The following RASAL2 variants were observed in gnomAD, a reference collection of about 807,000 sequenced individuals.
The protein encoded by RASAL2 is ras GTPase-activating protein nGAP.
A neutral mutation model predicts 128.9 loss-of-function variants in RASAL2; 58 were observed. The ratio of observed to expected loss-of-function variants is 0.45; its 90% CI spans 0.36 to 0.56. The LOEUF (loss-of-function observed/expected upper bound fraction) is 0.56. Among genes scored for constraint, RASAL2 ranks in the 20% least tolerant of loss-of-function variants. The pLI, the probability that RASAL2 is intolerant of heterozygous loss-of-function variation, is 0.00. For synonymous variants in RASAL2, 561 were observed against 580.8 expected, an observed-to-expected ratio of 0.97 and a Z score of 0.49; for missense variants, 1,360 against 1,601.6, an observed-to-expected ratio of 0.85 and a Z score of 2.57.
chr1:178,283,628 G>A lies in RASAL2; in HGVS notation c.267G>A (p.Thr89=), dbSNP rs368634100. Residue 89 remains threonine, a synonymous_variant, in exon 2 of 18, where the codon ACG becomes ACA. Coordinates refer to ENST00000367649, the MANE Select transcript of RASAL2 (RefSeq NM_170692.4). ...CGQSPYTETT[T]WERKYCILTD... ...AGTCACCCTACACCGAGACAACAAC[G>A]TGGGAGCGGAAGTATTGCATCCTCA... 8.9e-5 allele frequency: 143 copies of A among 1,613,800 alleles called. No homozygotes were observed. In the South Asian group the frequency reaches 1.4e-3, roughly 16 times the overall value.
At chr1:178,099,351 A>G (rs1351742439) in intron 1 of RASAL2, among the ~76,000 whole-genome samples, 1 of 152,260 alleles carries the variant, frequency 6.6e-6, no homozygotes, top group African/African-American at 2.4e-5. Flanking sequence ...CACATTAAGA[A>G]TAGACAGTTT....
chr1:178,450,970 C>T lies in RASAL2; in HGVS notation c.1628-601C>T, dbSNP rs1677335092. 2.0e-5 allele frequency among the ~76,000 whole-genome samples: 3 copies of T among 152,150 alleles called. No individual in the cohort carries two copies. The South Asian group carries it at 6.2e-4, about 32-fold the overall frequency. On this transcript the variant is annotated intron_variant, in intron 9 of 17. Coordinates refer to ENST00000367649, the MANE Select transcript of RASAL2 (RefSeq NM_170692.4). ...TTTCAGGGAATAGTGGGTGTATCTT[C>T]ATAGAGCATAGGCCGTATGAACACG...
intron 1 of RASAL2, among the ~76,000 whole-genome samples, chr1:178,127,015 G>C (rs549309735): frequency 6.6e-6 from 1 of 152,126 alleles, no homozygotes; most frequent in Non-Finnish European, 1.5e-5. Context: ...ACTTAAGGTA[G>C]GATTGCTGTC....
chr1:178,435,843 CAGT>C (rs1292199719), intron 5 of RASAL2, among the ~76,000 whole-genome samples: 9 of 152,042 alleles, frequency 5.9e-5, no homozygotes, highest in Middle Eastern at 3.4e-3. Context: ...AGAACCTGGC[CAGT>C]AGTCAAGGGA....
intron 1 of RASAL2, among the ~76,000 whole-genome samples, chr1:178,217,562 A>C (rs1276612249): frequency 6.6e-6 from 1 of 152,258 alleles, no homozygotes; most frequent in East Asian, 1.9e-4. Context: ...ACTGCAATAA[A>C]GCAAATGTCT....
intron 5 of RASAL2, among the ~76,000 whole-genome samples, chr1:178,426,929 T>A (rs1675552905): frequency 1.3e-5 from 2 of 152,116 alleles, no homozygotes; most frequent in East Asian, 3.9e-4. Flanking sequence ...GTAACTTAGT[T>A]TGCAGATACT....
At chr1:178,110,294 T>C (rs1015462576) in intron 1 of RASAL2, among the ~76,000 whole-genome samples, 1 of 151,978 alleles carries the variant, frequency 6.6e-6, no homozygotes, top group Admixed American at 6.6e-5. Context: ...CCTCATTATT[T>C]ACCAGGGGAT....
chr1:178,259,394 G>A (rs1665550262), intron 1 of RASAL2, among the ~76,000 whole-genome samples: 1 of 152,128 alleles, frequency 6.6e-6, no homozygotes, highest in Non-Finnish European at 1.5e-5. Context: ...GCCTCCCAAA[G>A]TGTGAAACTT....
chr1:178,152,109 CCAGA>C (rs1660933162), intron 1 of RASAL2, among the ~76,000 whole-genome samples: 1 of 152,050 alleles, frequency 6.6e-6, no homozygotes, highest in Admixed American at 6.6e-5. Flanking sequence ...TGGCTGGTAA[CCAGA>C]CAGACCATGT....
At chr1:178,426,256 T>C (rs1336670675) in intron 5 of RASAL2, among the ~76,000 whole-genome samples, 1 of 152,132 alleles carries the variant, frequency 6.6e-6, no homozygotes, top group Non-Finnish European at 1.5e-5. Flanking sequence ...CAAATGCCCA[T>C]CAGCTGATCA....
rs1648565452 is a variant in RASAL2 at position 178,474,895 on chromosome 1, T to C, written c.*1656T>C. The C allele has an allele frequency of 6.6e-6, 1 of 152,146 alleles. No individual in the cohort carries two copies. The highest frequency in any genetic ancestry group is 1.5e-5 in the Non-Finnish European group (1 of 68,026). The allele number at this position is 152,146 out of a possible 1,614,324, so 9.4% of individuals were successfully genotyped here. A position where few individuals can be genotyped will look rare whatever the true frequency, so the allele number is the denominator to read the frequency against. The stretch of plus-strand genomic sequence containing the variant: ...TTTAAATTATAAGCTTTAAAGAATT[T>C]TTTTTCTAGAAAAAGGGGATGGAAA... On this transcript the variant is annotated 3_prime_UTR_variant, in exon 18 of 18. Transcript: ENST00000367649.
At chr1:178,361,571 T>TA (rs1263838642) in intron 3 of RASAL2, among the ~76,000 whole-genome samples, 1 of 151,966 alleles carries the variant, frequency 6.6e-6, no homozygotes, top group Non-Finnish European at 1.5e-5. Context: ...AAAATATTCT[T>TA]AAAAAAATTG....
At chr1:178,294,152 C>A (rs1200768218) in intron 2 of RASAL2, among the ~76,000 whole-genome samples, 1 of 152,152 alleles carries the variant, frequency 6.6e-6, no homozygotes, top group Admixed American at 6.5e-5. Flanking sequence ...AGGGAGCTTG[C>A]ACTAATTTAT....
intron 3 of RASAL2, among the ~76,000 whole-genome samples, chr1:178,312,312 G>A (rs1211717196): frequency 6.6e-6 from 1 of 152,126 alleles, no homozygotes; most frequent in Non-Finnish European, 1.5e-5. Flanking sequence ...AGGGAAATTG[G>A]AGTACATACA....
chr1:178,455,176 A>G (rs1235895930), intron 12 of RASAL2, among the ~76,000 whole-genome samples: 5 of 152,178 alleles, frequency 3.3e-5, no homozygotes, highest in Non-Finnish European at 5.9e-5. Context: ...GAAAGCAATT[A>G]TTTTTAATCG....
intron 2 of RASAL2, among the ~76,000 whole-genome samples, chr1:178,287,449 GAAAA>G (rs762428185): frequency 6.9e-6 from 1 of 144,824 alleles, no homozygotes; most frequent in Non-Finnish European, 1.5e-5. Context: ...AGAAAAAAAT[GAAAA>G]AAAAAAGTAA....
chr1:178,405,588 G>C (rs1201089590), intron 4 of RASAL2, among the ~76,000 whole-genome samples: 2 of 152,194 alleles, frequency 1.3e-5, no homozygotes, highest in Admixed American at 6.5e-5. Context: ...ATGAGCCAAG[G>C]AATGTGGGTG....
At chr1:178,187,248 A>G (rs367731174) in intron 1 of RASAL2, among the ~76,000 whole-genome samples, 2 of 151,504 alleles carry the variant, frequency 1.3e-5, no homozygotes, top group African/African-American at 4.9e-5. Flanking sequence ...CTGTTTTTCA[A>G]TTGGTGTATT....
chr1:178,239,697 A>G lies in RASAL2; in HGVS notation c.203-43867A>G, dbSNP rs564175771. Among the ~76,000 whole-genome samples, 37 of 152,072 alleles carry G rather than the reference A, an allele frequency of 2.4e-4. 1 individual carries two copies. Among genetic ancestry groups the G allele is most frequent in the Non-Finnish European group, 4.3e-4 (29 of 67,902 alleles). ...GGACACTACCTCATGGACACCATCC[A>G]TATATCACAGTAGTACATGCCAGAA... On this transcript the variant is annotated intron_variant, in intron 1 of 17. Transcript: ENST00000367649.
Sources: gnomAD v4.1 joint callset for allele counts (sites outside exome capture counted in the v4.1 genomes callset) on GRCh38, gnomAD v4.1.1 for gene constraint, MANE v1.5 for transcripts, NCBI Gene and HGNC (gene_info 2026-07-23, HGNC 2026-07-21) for gene names.